Variants in TMEM69 observed in about 807,000 individuals in gnomAD.
The protein encoded by TMEM69 is chromosome 1 open reading frame 154.
Under a neutral mutation model 15.8 loss-of-function variants are expected in TMEM69, and 17 were observed. The observed-to-expected ratio is 1.07, with a 90% CI of 0.73 to 1.61. The LOEUF (loss-of-function observed/expected upper bound fraction) is 1.61, where lower values mean the gene tolerates loss of function less well. TMEM69 is among the 40% of genes most tolerant of loss of function. The probability of loss-of-function intolerance (pLI) is 0.00; values close to 1 mark genes in which losing one functional copy is unlikely to be tolerated. For missense variants in TMEM69, 230 were observed against 286.1 expected (o/e 0.80, Z 1.41); for synonymous variants, 80 against 98.6 (o/e 0.81, Z 1.12).
Position 45,693,736 on chromosome 1 carries a change from G to A in TMEM69, c.575G>A (p.Gly192Asp), listed in dbSNP as rs372308151. ...LSEAIVTVIM[G>D]MGVAFHLELF... ...GAAGCCATAGTCACAGTAATAATGG[G>A]TATGGGAGTAGCATTCCACCTTGAA... Residue 192 changes from glycine (G) to aspartate (D), a missense_variant, in exon 3 of 3, where the codon GGT becomes GAT. Transcript: ENST00000372025. 1 of 1,614,172 alleles carries A rather than the reference G, an allele frequency of 6.2e-7. No individual in the cohort carries two copies. Among genetic ancestry groups the A allele is most frequent in the East Asian group, 2.2e-5 (1 of 44,890 alleles).
intron 1 of TMEM69, among the ~76,000 whole-genome samples, chr1:45,689,462 T>A (rs1645329482): frequency 6.6e-6 from 1 of 152,086 alleles, no homozygotes; most frequent in Admixed American, 6.6e-5. Flanking sequence ...TCCCAGCACT[T>A]TGGGAGGCCG....
At position 45,694,200 on chromosome 1, in the gene TMEM69, C is replaced by A. The variant is rs191572957; in HGVS notation, c.*295C>A. The A allele has an allele frequency of 2.2e-3, 1,097 of 501,322 alleles. 15 individuals are homozygous for A. Among genetic ancestry groups the A allele is most frequent in the Non-Finnish European group, 4.5e-4 (129 of 284,944 alleles). The allele number at this position is 501,322 out of a possible 1,614,324, so 31.1% of individuals were successfully genotyped here. A position where few individuals can be genotyped will look rare whatever the true frequency, so the allele number is the denominator to read the frequency against. On this transcript the variant is annotated 3_prime_UTR_variant, in exon 3 of 3. Transcript: ENST00000372025. ...TGTATGCCAGCTACACCTTTTTCTA[C>A]TTCTGTTTGGCTTTTTTTCCCCACA...
Position 45,694,000 on chromosome 1 carries a change from T to A in TMEM69, c.*95T>A. The A allele has an allele frequency of 3.7e-6, 3 of 801,868 alleles. No individual in the cohort carries two copies. Among genetic ancestry groups the A allele is most frequent in the Non-Finnish European group, 5.7e-6 (3 of 525,686 alleles). The allele number at this position is 801,868 out of a possible 1,614,324, so 49.7% of individuals were successfully genotyped here. On this transcript the variant is annotated 3_prime_UTR_variant, in exon 3 of 3. Coordinates refer to ENST00000372025, the MANE Select transcript of TMEM69 (RefSeq NM_016486.4). ...GCCTCTGCCTGGCCGCCTGACCATC[T>A]GGGAAGTGTGACAAGCGCCTCTGCC...
chr1:45,691,398 CT>C (rs1645344135), intron 2 of TMEM69, among the ~76,000 whole-genome samples: 1 of 152,106 alleles, frequency 6.6e-6, no homozygotes, highest in Admixed American at 6.5e-5. Flanking sequence ...AAAAAATTAG[CT>C]GGGCATGGGG....
At chr1:45,690,237 C>T (rs1229658755) in intron 1 of TMEM69, among the ~76,000 whole-genome samples, 1 of 152,088 alleles carries the variant, frequency 6.6e-6, no homozygotes, top group African/African-American at 2.4e-5. Context: ...CGCGGTGGCT[C>T]ATGCCTGTAA....
intron 1 of TMEM69, 64 bp downstream of exon 1, chr1:45,688,339 C>T (rs1296153975): frequency 1.3e-5 from 2 of 152,128 alleles, no homozygotes; most frequent in Non-Finnish European, 2.9e-5. Flanking sequence ...GATGGGAGGG[C>T]ACCAAGGGTT....
intron 2 of TMEM69, among the ~76,000 whole-genome samples, chr1:45,691,547 A>C (rs974934315): frequency 4.6e-5 from 7 of 152,084 alleles, no homozygotes; most frequent in African/African-American, 1.7e-4. Flanking sequence ...TGTTTAAAAA[A>C]AAAAAAAATT....
At chr1:45,689,769 C>T (rs996836631) in intron 1 of TMEM69, among the ~76,000 whole-genome samples, 2 of 151,936 alleles carry the variant, frequency 1.3e-5, no homozygotes, top group African/African-American at 2.4e-5. Context: ...ACCTGGGAGG[C>T]GAAGCTTGCA....
At chr1:45,693,078 G>A (rs1283055721) in intron 2 of TMEM69, 126 bp from the exon 3 acceptor site, 3 of 651,306 alleles carry the variant, frequency 4.6e-6, no homozygotes, top group South Asian at 4.5e-5. Context: ...ATGTGGTAAT[G>A]GAAAGCAGAT....
chr1:45,693,428 C>T lies in TMEM69; in HGVS notation c.267C>T (p.Tyr89=). The T allele has an allele frequency of 6.2e-7, 1 of 1,614,208 alleles. No homozygotes were observed. The highest frequency in any genetic ancestry group is 8.5e-7 in the Non-Finnish European group (1 of 1,180,038). Residue 89 remains tyrosine (Y), a synonymous_variant, in exon 3 of 3, where the codon TAC becomes TAT. Transcript: ENST00000372025. ...CCAGACCCTCAAGCACCATCACTTA[C>T]CTAACTGACAGCCCAAAGCCAGCAT... ...LLARPSSTIT[Y]LTDSPKPALC... is the part of the protein sequence containing the mutation.
intron 2 of TMEM69, 63 bp from the exon 3 acceptor site, chr1:45,693,141 C>T: frequency 7.9e-7 from 1 of 1,270,198 alleles, no homozygotes; most frequent in Non-Finnish European, 1.1e-6. Context: ...CTGGGATTGA[C>T]TAAAATCTGA....
At chr1:45,692,235 G>A (rs556137299) in intron 2 of TMEM69, among the ~76,000 whole-genome samples, 3 of 152,172 alleles carry the variant, frequency 2.0e-5, no homozygotes, top group Non-Finnish European at 2.9e-5. Flanking sequence ...GTGTCAAGAC[G>A]TAGGATTGGA....
chr1:45,690,427 G>C (rs1302022240), intron 1 of TMEM69, among the ~76,000 whole-genome samples: 2 of 152,030 alleles, frequency 1.3e-5, no homozygotes, highest in Non-Finnish European at 2.9e-5. Context: ...GCTTGAACCC[G>C]GTAGGCAGAT....
chr1:45,691,918 C>T lies in TMEM69; in HGVS notation c.42+808C>T, dbSNP rs368292357. Among the ~76,000 whole-genome samples the T allele has an allele frequency of 2.7e-3, 239 of 87,036 alleles. 1 individual carries two copies. The highest frequency in any genetic ancestry group is 8.1e-3 in the African/African-American group (210 of 26,022). 57.1% of individuals were successfully genotyped at this position (87,036 alleles called of 152,430 possible). A position where few individuals can be genotyped will look rare whatever the true frequency, so the allele number is the denominator to read the frequency against. On this transcript the variant is annotated intron_variant, in intron 2 of 2. Coordinates refer to ENST00000372025, the MANE Select transcript of TMEM69 (RefSeq NM_016486.4). ...ATCCCAAAACTTTGGGATGCCAAGGCGGGCAGATCACGTGAGGTCAGGAGT... is the reference window on the plus strand; with the variant it reads ...ATCCCAAAACTTTGGGATGCCAAGGTGGGCAGATCACGTGAGGTCAGGAGT...
intron 1 of TMEM69, among the ~76,000 whole-genome samples, chr1:45,690,553 C>T (rs1179501430): frequency 6.6e-6 from 1 of 151,940 alleles, no homozygotes; most frequent in African/African-American, 2.4e-5. Flanking sequence ...TTGGTACTAT[C>T]GTTATTTTGA....
intron 2 of TMEM69, among the ~76,000 whole-genome samples, chr1:45,692,234 C>T (rs11211165): frequency 0.29 from 43,357 of 151,764 alleles, 6,262 homozygotes; most frequent in South Asian, 0.37. Context: ...AGTGTCAAGA[C>T]GTAGGATTGG....
rs765703063 is a variant in TMEM69 at position 45,693,681 on chromosome 1, T to G, written c.520T>G (p.Phe174Val). The stretch of plus-strand genomic sequence containing the variant: ...TGCAGCTCCTCTTTTCTTTTCATGG[T>G]TTGCCTTCCTTATTTCTGAAAGACT... ...SSAAPLFFSW[F>V]AFLISERLSE... The change falls in exon 3 of 3, where the codon TTT (phenylalanine) becomes GTT (valine). Residue 174 changes from phenylalanine (F) to valine (V), a missense_variant. Transcript: ENST00000372025. 3 of 1,614,186 alleles carry G rather than the reference T, an allele frequency of 1.9e-6. No individual in the cohort carries two copies. In the South Asian group the frequency reaches 3.3e-5, roughly 18 times the overall value.
At chr1:45,689,638 C>T (rs1164944916) in intron 1 of TMEM69, among the ~76,000 whole-genome samples, 2 of 152,100 alleles carry the variant, frequency 1.3e-5, no homozygotes, top group Admixed American at 6.6e-5. Flanking sequence ...GTCAGGAGAT[C>T]GAGACCATCC....
At chr1:45,689,206 C>G (rs1232950420) in intron 1 of TMEM69, among the ~76,000 whole-genome samples, 2 of 152,014 alleles carry the variant, frequency 1.3e-5, no homozygotes, top group Middle Eastern at 3.2e-3. Flanking sequence ...CTGCGCCCTG[C>G]CCAATCGATT....
Sources: gnomAD v4.1 joint callset for allele counts (sites outside exome capture counted in the v4.1 genomes callset) on GRCh38, gnomAD v4.1.1 for gene constraint, MANE v1.5 for transcripts, NCBI Gene and HGNC (gene_info 2026-07-23, HGNC 2026-07-21) for gene names.